Variants in WBP2NL observed in about 807,000 individuals in gnomAD.
WBP2NL encodes WBP2 N-terminal like, also known as postacrosomal sheath WW domain-binding protein.
A neutral mutation model predicts 23.3 loss-of-function variants in WBP2NL; 27 were observed. The ratio of observed to expected loss-of-function variants is 1.16; its 90% CI spans 0.85 to 1.60. The LOEUF (loss-of-function observed/expected upper bound fraction) is 1.60. Among genes scored for constraint, WBP2NL ranks in the 40% most tolerant of loss-of-function variants. The probability of loss-of-function intolerance (pLI) is 0.00; values close to 1 mark genes in which losing one functional copy is unlikely to be tolerated. For missense variants in WBP2NL, 370 were observed against 389.5 expected (o/e 0.95, Z 0.42); for synonymous variants, 151 against 145.9 (o/e 1.03, Z -0.25).
At position 42,019,413 on chromosome 22, in the gene WBP2NL, A is replaced by G; in HGVS notation, c.165A>G (p.Ser55=). 5 of 1,612,732 alleles carry G rather than the reference A, an allele frequency of 3.1e-6. No homozygotes were observed. The South Asian group carries it at 5.5e-5, about 18-fold the overall frequency. The change falls in exon 2 of 6, where the codon TCA becomes TCG. Residue 55 remains serine, a synonymous_variant. Coordinates refer to ENST00000328823, the MANE Select transcript of WBP2NL (RefSeq NM_152613.3). The stretch of plus-strand genomic sequence containing the variant: ...AGACAGGAACATTGTTTCTCACTTC[A>G]TACCGGGTAATTTCTACTTCTACTT... ...GRKTGTLFLT[S]YRVIFITSCS... is the part of the protein sequence containing the mutation.
downstream of WBP2NL, among the ~76,000 whole-genome samples, chr22:42,029,151 G>C (rs1483093303): frequency 1.3e-5 from 2 of 152,056 alleles, no homozygotes; most frequent in Non-Finnish European, 2.9e-5. Context: ...CTAAAAGGGA[G>C]GCCTTAAAAA....
At chr22:42,017,304 G>A (rs896887167) in intron 1 of WBP2NL, among the ~76,000 whole-genome samples, 3 of 152,096 alleles carry the variant, frequency 2.0e-5, no homozygotes, top group Non-Finnish European at 4.4e-5. Context: ...TAGTAGAGAT[G>A]GGGTTTCACC....
chr22:42,002,023 C>G, intron 1 of WBP2NL: 1 of 608,722 alleles, frequency 1.6e-6, no homozygotes. Context: ...TCGGCTTTGA[C>G]TCCGGGGCTG....
At chr22:42,046,837 A>C (rs1160170115) in intron 8 of WBP2NL, among the ~76,000 whole-genome samples, 1 of 152,168 alleles carries the variant, frequency 6.6e-6, no homozygotes, top group Non-Finnish European at 1.5e-5. Context: ...TGTCTAATAT[A>C]ATTTTATATT....
chr22:42,034,277 A>G (rs985033345), downstream of WBP2NL, among the ~76,000 whole-genome samples: 3 of 152,166 alleles, frequency 2.0e-5, no homozygotes, highest in African/African-American at 7.2e-5. Context: ...CTATTTTCCT[A>G]AGCGTCGGCT....
rs1228413026 is a variant in WBP2NL, at chr22:42,020,885, TATATATATATATATATATATATA to T, written c.406+790_406+812del. ...GTGTGTGTGTATATATATATATATA[TATATATATATATATATATATATA>T]TTTTTTTTTTTTTTTTTTTTTTTTT... is the stretch of plus-strand genomic sequence containing the variant. On this transcript the variant is annotated intron_variant, in intron 4 of 5. Transcript: ENST00000328823. Among the ~76,000 whole-genome samples, 15 of 53,004 alleles carry T rather than the reference TATATATATATATATATATATATA, an allele frequency of 2.8e-4. No individual in the cohort carries two copies. The East Asian group carries it at 3.3e-3, about 12-fold the overall frequency. 34.8% of individuals were successfully genotyped at this position (53,004 alleles called of 152,430 possible). A position where few individuals can be genotyped will look rare whatever the true frequency, so the allele number is the denominator to read the frequency against.
At chr22:42,037,128 T>G (rs993471895), downstream of WBP2NL, among the ~76,000 whole-genome samples, 3 of 148,090 alleles carry the variant, frequency 2.0e-5, no homozygotes, top group Non-Finnish European at 4.5e-5. Flanking sequence ...CAGATTTCAT[T>G]TGTGTGTGTG....
intron 1 of WBP2NL, among the ~76,000 whole-genome samples, chr22:41,999,151 T>TCAGGG (rs1328559956): frequency 2.1e-5 from 3 of 139,608 alleles, no homozygotes; most frequent in Non-Finnish European, 4.6e-5. Flanking sequence ...GCATGTCTCC[T>TCAGGG]CAGGGCGGGG....
At chr22:42,041,323 A>G (rs985705922) in intron 8 of WBP2NL, among the ~76,000 whole-genome samples, 4 of 151,976 alleles carry the variant, frequency 2.6e-5, no homozygotes, top group Non-Finnish European at 4.4e-5. Context: ...CTCTACTAAA[A>G]ATATATAAAT....
chr22:42,002,448 G>A (rs1921797881), intron 1 of WBP2NL, among the ~76,000 whole-genome samples: 1 of 152,108 alleles, frequency 6.6e-6, no homozygotes, highest in African/African-American at 2.4e-5. Context: ...GCCAGGCATG[G>A]TGGTGCACGT....
At chr22:42,049,705 C>CAAAAAAAAAAAAAAA (rs1158837575) in intron 8 of WBP2NL, among the ~76,000 whole-genome samples, 20 of 37,476 alleles carry the variant, frequency 5.3e-4, no homozygotes, top group Admixed American at 1.3e-3. Context: ...CAAAACAAAA[C>CAAAAAAAAAAAAAAA]AAAAAAAAAA....
chr22:42,022,445 G>A (rs760283930), intron 5 of WBP2NL, 89 bp downstream of exon 5: 3 of 1,194,468 alleles, frequency 2.5e-6, no homozygotes, highest in Non-Finnish European at 3.6e-6. Flanking sequence ...GCTCCCTGCA[G>A]GAGCAGCAGC....
At chr22:42,046,990 T>G (rs73418991) in intron 8 of WBP2NL, among the ~76,000 whole-genome samples, 7,353 of 152,242 alleles carry the variant, frequency 0.048, 610 homozygotes, top group African/African-American at 0.17. Context: ...AGCATGTTTA[T>G]AAACCTCTTG....
intron 8 of WBP2NL, among the ~76,000 whole-genome samples, chr22:42,041,343 G>A (rs1372211950): frequency 6.6e-6 from 1 of 151,910 alleles, no homozygotes; most frequent in African/African-American, 2.4e-5. Context: ...TTAGCTGGGC[G>A]TGGTGGCACA....
intron 1 of WBP2NL, among the ~76,000 whole-genome samples, chr22:42,018,725 G>C (rs1923580850): frequency 6.6e-6 from 1 of 151,992 alleles, no homozygotes; most frequent in Admixed American, 6.6e-5. Flanking sequence ...AGAAGTATAA[G>C]AATTAATGAA....
intron 8 of WBP2NL, among the ~76,000 whole-genome samples, chr22:42,046,020 G>A (rs191030553): frequency 9.2e-5 from 14 of 152,260 alleles, no homozygotes; most frequent in Middle Eastern, 6.8e-3. Context: ...AAGTTGATTT[G>A]GCCAATGTGT....
At chr22:42,045,169 T>G (rs1925538346) in intron 8 of WBP2NL, among the ~76,000 whole-genome samples, 1 of 152,076 alleles carries the variant, frequency 6.6e-6, no homozygotes, top group South Asian at 2.1e-4. Flanking sequence ...CCGGGCGCGG[T>G]GGCTCACGCC....
In WBP2NL at chr22:42,016,823, AT is replaced by A. The variant is rs565587354; in HGVS notation, c.63-2487del. 7.0e-4 allele frequency among the ~76,000 whole-genome samples: 106 copies of A among 152,282 alleles called. 2 individuals carry two copies. Among genetic ancestry groups the A allele is most frequent in the Admixed American group, 6.7e-3 (103 of 15,290 alleles). On this transcript the variant is annotated intron_variant, in intron 1 of 5. Transcript: ENST00000328823. ...GACTATTTTAGGAATTCTTAAACTGATCCCTCTGATACACTACCTTCTTGAT... is the reference window on the plus strand; with the variant it reads ...GACTATTTTAGGAATTCTTAAACTGACCCTCTGATACACTACCTTCTTGAT...
In WBP2NL at chr22:42,026,869, GCCTGTGGGATACAGAGCCTCA is replaced by G. The variant is rs758049878; in HGVS notation, c.625_645del (p.Gly209_Val215del). Reference sequence around the variant, plus strand: ...CCCAACCCGTAGGAAATGAAGGCCCGCCTGTGGGATACAGAGCCTCACCTGTGCGATATGGAGCCCCACCTC... The same window carrying G: ...CCCAACCCGTAGGAAATGAAGGCCCGCCTGTGCGATATGGAGCCCCACCTC... On this transcript the variant is annotated inframe_deletion, in exon 6 of 6. Coordinates refer to ENST00000328823, the MANE Select transcript of WBP2NL (RefSeq NM_152613.3). 1 of 1,606,790 alleles carries G rather than the reference GCCTGTGGGATACAGAGCCTCA, an allele frequency of 6.2e-7. No individual in the cohort carries two copies. The highest frequency in any genetic ancestry group is 1.4e-5 in the African/African-American group (1 of 71,956).
Sources: allele counts gnomAD v4.1 joint callset (sites outside exome capture counted in the v4.1 genomes callset), GRCh38; gene constraint gnomAD v4.1.1; transcripts MANE v1.5; gene names NCBI Gene and HGNC (gene_info 2026-07-23, HGNC 2026-07-21).